The following MSR1 variants were observed in gnomAD, a reference collection of about 807,000 sequenced individuals.
MSR1 encodes macrophage scavenger receptor types I and II.
MSR1 carries 53 observed loss-of-function variants against 47.2 expected under a neutral mutation model. The ratio of observed to expected loss-of-function variants is 1.12; its 90% CI spans 0.90 to 1.41. MSR1 has a LOEUF of 1.41. Ranked by LOEUF, MSR1 falls within the 40% of genes most tolerant of loss-of-function variation. The pLI is 0.00. For synonymous variants in MSR1, 239 were observed against 185.6 expected (o/e 1.29, Z -2.34); for missense variants, 786 against 546.9 (o/e 1.44, Z -4.36).
In MSR1 at chr8:16,143,196, T is replaced by C. The variant is rs547276502; in HGVS notation, c.1033+362A>G. 5.3e-5 allele frequency among the ~76,000 whole-genome samples: 8 copies of C among 152,228 alleles called. No individual in the cohort carries two copies. The East Asian group carries it at 1.4e-3, about 26-fold the overall frequency. ...TTCTTAAACTGTCCAAATTCTTATA[T>C]TTAAGGTTTCATTTAGTAAGGAAGG... is the stretch of plus-strand genomic sequence containing the variant. On this transcript the variant is annotated intron_variant, in intron 8 of 9. Transcript: ENST00000262101.
chr8:16,139,300 T>C, intron 8 of MSR1: 1 of 983,992 alleles, frequency 1.0e-6, no homozygotes, highest in Non-Finnish European at 1.2e-6. Context: ...TTCAGAGAGA[T>C]CACTGCGAAG....
At chr8:16,123,604 G>GTGTC (rs398067617) in intron 8 of MSR1, among the ~76,000 whole-genome samples, 14 of 144,428 alleles carry the variant, frequency 9.7e-5, no homozygotes, top group South Asian at 2.2e-4. Context: ...GTGTGTGTGT[G>GTGTC]TCTGGATAGC....
chr8:16,126,502 C>T (rs936165213), intron 8 of MSR1, among the ~76,000 whole-genome samples: 6 of 152,046 alleles, frequency 3.9e-5, no homozygotes, highest in Non-Finnish European at 8.8e-5. Flanking sequence ...CCTGAAAGTT[C>T]TCACAACATG....
chr8:16,139,077 T>A (rs1323234814), intron 8 of MSR1, among the ~76,000 whole-genome samples: 3 of 152,204 alleles, frequency 2.0e-5, no homozygotes, highest in Admixed American at 1.3e-4. Context: ...TTATAACTAA[T>A]GCTCTTCTGC....
At chr8:16,140,487 A>G (rs1005010391) in intron 8 of MSR1, 52 of 990,974 alleles carry the variant, frequency 5.2e-5, no homozygotes, top group Non-Finnish European at 5.8e-5. Context: ...GCGCATGAGC[A>G]AAGCATGGCG....
intron 4 of MSR1, among the ~76,000 whole-genome samples, chr8:16,165,368 A>G (rs1366441657): frequency 6.6e-6 from 1 of 152,130 alleles, no homozygotes; most frequent in Non-Finnish European, 1.5e-5. Flanking sequence ...TTCAAATTAT[A>G]GTGAGGTTAA....
intron 1 of MSR1, among the ~76,000 whole-genome samples, chr8:16,185,549 G>A (rs1185188499): frequency 2.6e-5 from 4 of 151,978 alleles, no homozygotes; most frequent in Non-Finnish European, 2.9e-5. Context: ...GCACAGTCAC[G>A]CAATCTGAGC....
chr8:16,126,339 G>A (rs1385289), intron 8 of MSR1, among the ~76,000 whole-genome samples: 1 of 151,936 alleles, frequency 6.6e-6, no homozygotes, highest in Admixed American at 6.6e-5. Flanking sequence ...GAGCATAACA[G>A]TTATTATCCT....
intron 5 of MSR1, among the ~76,000 whole-genome samples, chr8:16,156,640 A>G (rs1016678943): frequency 1.3e-5 from 2 of 151,920 alleles, no homozygotes; most frequent in Non-Finnish European, 2.9e-5. Flanking sequence ...GAGGAAGAAT[A>G]TAATTCGTAG....
chr8:16,122,170 A>G (rs1044404886), intron 8 of MSR1, among the ~76,000 whole-genome samples: 7 of 152,152 alleles, frequency 4.6e-5, no homozygotes, highest in Non-Finnish European at 1.0e-4. Context: ...TCACTTAATA[A>G]GCATAAGTTA....
At chr8:16,134,688 C>T (rs981923674) in intron 8 of MSR1, among the ~76,000 whole-genome samples, 2 of 152,070 alleles carry the variant, frequency 1.3e-5, no homozygotes, top group Admixed American at 6.6e-5. Flanking sequence ...ACATGATAAA[C>T]CTTAGTGAGA....
intron 1 of MSR1, among the ~76,000 whole-genome samples, chr8:16,180,341 G>A (rs953367860): frequency 6.6e-6 from 1 of 152,112 alleles, no homozygotes; most frequent in Non-Finnish European, 1.5e-5. Flanking sequence ...ACATTGGAAA[G>A]GTTTGATAAA....
chr8:16,163,471 T>C (rs915506228), intron 5 of MSR1, among the ~76,000 whole-genome samples: 4 of 151,304 alleles, frequency 2.6e-5, no homozygotes, highest in African/African-American at 9.7e-5. Flanking sequence ...AATCAAAATA[T>C]AGAAAAAATC....
intron 3 of MSR1, 119 bp from the exon 4 acceptor site, chr8:16,168,989 C>T: frequency 1.9e-6 from 2 of 1,038,924 alleles, no homozygotes; most frequent in Non-Finnish European, 1.4e-6. Flanking sequence ...ATTTTGAATG[C>T]TAGGCTAAAT....
chr8:16,120,356 G>A (rs1799970304), intron 9 of MSR1, 62 bp downstream of exon 9: 1 of 1,575,768 alleles, frequency 6.3e-7, no homozygotes, highest in Non-Finnish European at 8.7e-7. Context: ...CAGTCTGGGC[G>A]ACAGAATGAG....
intron 9 of MSR1, among the ~76,000 whole-genome samples, chr8:16,112,432 T>G (rs1799778447): frequency 6.6e-6 from 1 of 152,166 alleles, no homozygotes; most frequent in Non-Finnish European, 1.5e-5. Flanking sequence ...CTTAGTGATA[T>G]TCATGGGTTA....
intron 8 of MSR1, among the ~76,000 whole-genome samples, chr8:16,132,426 G>C (rs761491040): frequency 5.3e-5 from 8 of 152,030 alleles, no homozygotes; most frequent in Non-Finnish European, 8.8e-5. Flanking sequence ...GAATCATGTT[G>C]TCTGCAAACA....
chr8:16,171,626 A>T (rs1801490893), intron 3 of MSR1, among the ~76,000 whole-genome samples: 1 of 152,172 alleles, frequency 6.6e-6, no homozygotes, highest in Non-Finnish European at 1.5e-5. Context: ...GTATTGCTTG[A>T]GTTACTCTGG....
intron 1 of MSR1, among the ~76,000 whole-genome samples, chr8:16,182,912 G>A (rs181595395): frequency 3.3e-5 from 5 of 151,978 alleles, no homozygotes; most frequent in East Asian, 1.9e-4. Context: ...AAATACTTAC[G>A]TAACTGTATG....
Sources: gnomAD v4.1 joint callset for allele counts (sites outside exome capture counted in the v4.1 genomes callset) on GRCh38, gnomAD v4.1.1 for gene constraint, MANE v1.5 for transcripts, NCBI Gene and HGNC (gene_info 2026-07-23, HGNC 2026-07-21) for gene names.